MYPN: variants seen among roughly 807,000 people sequenced by gnomAD.
MYPN encodes the protein myopalladin, also known as sarcomeric protein myopalladin, 145 kDa (MYOP).
In MYPN, 63 loss-of-function variants were observed where a neutral mutation model predicts 129.4. That is an observed-to-expected ratio of 0.49 (90% CI 0.40 to 0.60). The LOEUF (loss-of-function observed/expected upper bound fraction) is 0.60. Among genes scored for constraint, MYPN ranks in the 20% least tolerant of loss-of-function variants. The pLI is 0.00. For missense variants in MYPN, 1,596 were observed against 1,635.4 expected (o/e 0.98, Z 0.42); for synonymous variants, 629 against 600.9 (o/e 1.05, Z -0.68).
Position 68,174,282 on chromosome 10 carries a change from G to T in MYPN, c.2190G>T (p.Thr730=). The T allele has an allele frequency of 6.2e-7, 1 of 1,613,976 alleles. No individual in the cohort carries two copies. Among genetic ancestry groups the T allele is most frequent in the Middle Eastern group, 1.6e-4 (1 of 6,062 alleles). ...GGCCGAAGTATTTCTTCCCCTCCAC[G>T]AACACCACCGCAGCAACTGTGGCCC... ...LARPKYFFPS[T]NTTAATVAPS... The change falls in exon 11 of 20, where the codon ACG becomes ACT. Residue 730 remains threonine, a synonymous_variant. Coordinates refer to ENST00000358913, the MANE Select transcript of MYPN (RefSeq NM_032578.4).
chr10:68,094,157 A>G (rs1397345654), intron 1 of MYPN, among the ~76,000 whole-genome samples: 12 of 152,068 alleles, frequency 7.9e-5, no homozygotes, highest in Non-Finnish European at 1.3e-4. Flanking sequence ...TTTACGATCT[A>G]TATCTTGTGA....
At chr10:68,134,538 C>T (rs147303729) in intron 2 of MYPN, among the ~76,000 whole-genome samples, 1,769 of 152,196 alleles carry the variant, frequency 0.012, 11 homozygotes, top group Non-Finnish European at 0.015. Flanking sequence ...GGCTCATGCC[C>T]GTAATCCCAG....
At position 68,158,474 on chromosome 10, in the gene MYPN, T is replaced by A. The variant is rs2042918596; in HGVS notation, c.1318-12T>A. 6.8e-6 allele frequency: 11 copies of A among 1,612,922 alleles called. No individual in the cohort carries two copies. The highest frequency in any genetic ancestry group is 7.6e-6 in the Non-Finnish European group (9 of 1,179,012). ...CTTTTTTGTTCTAACTACATTCTTC[T>A]TATCATTATAGATGCTACAAAATTT... On this transcript the variant is annotated splice_polypyrimidine_tract_variant and intron_variant, in intron 6 of 19. Transcript: ENST00000358913.
chr10:68,154,106 C>T (rs541068754), intron 6 of MYPN, among the ~76,000 whole-genome samples: 2 of 152,322 alleles, frequency 1.3e-5, no homozygotes, highest in Non-Finnish European at 2.9e-5. Flanking sequence ...CACTACTCTA[C>T]TCATAGGTGA....
upstream of MYPN, among the ~76,000 whole-genome samples, chr10:68,107,975 T>G (rs988648362): frequency 6.6e-6 from 1 of 152,198 alleles, no homozygotes; most frequent in African/African-American, 2.4e-5. Context: ...CTGAGTGGGA[T>G]AGTGGAGGAA....
chr10:68,178,916 A>T (rs1417731995), intron 12 of MYPN, among the ~76,000 whole-genome samples: 9 of 149,898 alleles, frequency 6.0e-5, no homozygotes, highest in Non-Finnish European at 1.3e-4. Context: ...TTCCTCCTTG[A>T]CCTCATTTCT....
intron 6 of MYPN, among the ~76,000 whole-genome samples, chr10:68,155,422 T>C (rs2042855813): frequency 6.6e-6 from 1 of 152,208 alleles, no homozygotes; most frequent in East Asian, 1.9e-4. Context: ...AAGATAGATT[T>C]GCACTTTGAA....
At chr10:68,142,827 T>G in intron 2 of MYPN, 113 bp from the exon 3 acceptor site, 2 of 1,018,154 alleles carry the variant, frequency 2.0e-6, no homozygotes, top group Non-Finnish European at 3.1e-6. Flanking sequence ...TGGAGTTTTT[T>G]GTTGTTGTTG....
At chr10:68,131,854 A>G (rs143205085) in intron 2 of MYPN, among the ~76,000 whole-genome samples, 2 of 152,324 alleles carry the variant, frequency 1.3e-5, no homozygotes, top group East Asian at 3.9e-4. Context: ...TTGTTATGTA[A>G]TAGAAATACA....
rs374959374 is a variant in MYPN at position 68,182,417 on chromosome 10, CAT to C, written c.2704-6480_2704-6479del. Among the ~76,000 whole-genome samples, 310 of 86,040 alleles carry C rather than the reference CAT, an allele frequency of 3.6e-3. 10 individuals are homozygous for C. Among genetic ancestry groups the C allele is most frequent in the African/African-American group, 9.5e-3 (287 of 30,334 alleles). The allele number at this position is 86,040 out of a possible 152,430, so 56.4% of individuals were successfully genotyped here. ...ACATATATATAACACATATATATAACATATATATAACACATATATATAACATA... is the reference window on the plus strand; with the variant it reads ...ACATATATATAACACATATATATAACATATATAACACATATATATAACATA... On this transcript the variant is annotated intron_variant, in intron 12 of 19. Coordinates refer to ENST00000358913, the MANE Select transcript of MYPN (RefSeq NM_032578.4).
chr10:68,111,456 C>G (rs1225410495), intron 1 of MYPN, among the ~76,000 whole-genome samples: 2 of 151,916 alleles, frequency 1.3e-5, no homozygotes, highest in Non-Finnish European at 2.9e-5. Flanking sequence ...TGTTAGATAA[C>G]AAGATAGAAA....
At chr10:68,206,346 C>T (rs2043815180) in intron 18 of MYPN, among the ~76,000 whole-genome samples, 1 of 152,176 alleles carries the variant, frequency 6.6e-6, no homozygotes, top group Non-Finnish European at 1.5e-5. Context: ...CTGCACGAGC[C>T]CAGCTGGTTA....
intron 3 of MYPN, 114 bp from the exon 4 acceptor site, chr10:68,145,361 A>C: frequency 2.4e-6 from 2 of 833,310 alleles, no homozygotes; most frequent in South Asian, 2.9e-5. Context: ...AGGTATTCAG[A>C]TATTTAGGAA....
Position 68,199,327 on chromosome 10 carries a change from T to C in MYPN, c.3286-41T>C, listed in dbSNP as rs537787893. ...AATTCAGCCATCAAATAAATGTGCC[T>C]GTCATCAGTCATGTGCCTCAGCTGT... On this transcript the variant is annotated intron_variant, in intron 16 of 19. Transcript: ENST00000358913. The C allele has an allele frequency of 6.3e-6, 10 of 1,586,734 alleles. No individual in the cohort carries two copies. In the Admixed American group the frequency reaches 1.5e-4, roughly 24 times the overall value.
rs143006060 is a variant in MYPN at position 68,147,014 on chromosome 10, T to A, written c.1131-1339T>A. Among the ~76,000 whole-genome samples, 615 of 152,296 alleles carry A rather than the reference T, an allele frequency of 4.0e-3. 3 individuals carry two copies. The highest frequency in any genetic ancestry group is 0.014 in the African/African-American group (596 of 41,536). On this transcript the variant is annotated intron_variant, in intron 4 of 19. Coordinates refer to ENST00000358913, the MANE Select transcript of MYPN (RefSeq NM_032578.4). Reference sequence around the variant, plus strand: ...TTAGGGAAAACATCCAGTCTGGTATTGAGTGTCACTTTCCCCCTCACAGTT... The same window carrying A: ...TTAGGGAAAACATCCAGTCTGGTATAGAGTGTCACTTTCCCCCTCACAGTT...
chr10:68,125,081 C>T (rs550057226), intron 2 of MYPN, among the ~76,000 whole-genome samples: 5 of 152,170 alleles, frequency 3.3e-5, no homozygotes, highest in African/African-American at 1.2e-4. Context: ...TCTCATCCTA[C>T]TCATTTTTCA....
At position 68,175,394 on chromosome 10, in the gene MYPN, C is replaced by T. The variant is rs2043212027; in HGVS notation, c.2636C>T (p.Thr879Ile). Residue 879 changes from threonine to isoleucine, a missense_variant, in exon 12 of 20, where the codon ACT becomes ATT. Physicochemically the swap from Thr to Ile is moderately conservative, Grantham distance 89 (BLOSUM62 -1). Coordinates refer to ENST00000358913, the MANE Select transcript of MYPN (RefSeq NM_032578.4). ...QPVNDDNIRE[T>I]KNAVIRDLGK... ...GTGAATGATGATAACATTCGTGAAA[C>T]TAAGAACGCAGTGATTCGAGACTTG... 1 of 1,613,916 alleles carries T rather than the reference C, an allele frequency of 6.2e-7. No individual in the cohort carries two copies. Among genetic ancestry groups the T allele is most frequent in the Non-Finnish European group, 8.5e-7 (1 of 1,179,948 alleles).
At chr10:68,094,261 TTTAA>T (rs1363346897) in intron 1 of MYPN, among the ~76,000 whole-genome samples, 4 of 152,144 alleles carry the variant, frequency 2.6e-5, no homozygotes, top group East Asian at 3.9e-4. Flanking sequence ...TATTTTATTT[TTTAA>T]TTAATTTTTT....
chr10:68,143,940 A>T (rs919769009), intron 3 of MYPN, among the ~76,000 whole-genome samples: 1 of 152,106 alleles, frequency 6.6e-6, no homozygotes, highest in Admixed American at 6.6e-5. Context: ...TTTTTAGTAG[A>T]GATGGGGTTT....
Sources: gnomAD v4.1 joint callset for allele counts (sites outside exome capture counted in the v4.1 genomes callset) on GRCh38, gnomAD v4.1.1 for gene constraint, MANE v1.5 for transcripts, NCBI Gene and HGNC (gene_info 2026-07-23, HGNC 2026-07-21) for gene names.